LY86: variants seen among roughly 807,000 people sequenced by gnomAD.
The protein encoded by LY86 is MD-1, RP105-associated.
In LY86, 20 loss-of-function variants were observed where a neutral mutation model predicts 17.3. The ratio of observed to expected loss-of-function variants is 1.15; its 90% CI spans 0.81 to 1.68. The LOEUF (loss-of-function observed/expected upper bound fraction) is 1.68. Among genes scored for constraint, LY86 ranks in the 40% most tolerant of loss-of-function variants. The pLI is 0.00. For synonymous variants in LY86, 74 were observed against 70.6 expected (o/e 1.05, Z -0.24); for missense variants, 200 against 191.9 (o/e 1.04, Z -0.25).
intron 1 of LY86, among the ~76,000 whole-genome samples, chr6:6,600,620 A>G (rs1256444885): frequency 3.7e-5 from 5 of 136,810 alleles, no homozygotes; most frequent in African/African-American, 1.2e-4. Context: ...AAAAAAAAAA[A>G]AAAAAAAAGA....
intron 4 of LY86, among the ~76,000 whole-genome samples, chr6:6,653,844 G>A (rs1300962462): frequency 6.6e-6 from 1 of 152,062 alleles, no homozygotes; most frequent in African/African-American, 2.4e-5. Context: ...AATCTCTCTG[G>A]CACCCAAAGC....
intron 3 of LY86, among the ~76,000 whole-genome samples, chr6:6,636,423 GGCA>G (rs774658024): frequency 6.6e-5 from 10 of 152,168 alleles, no homozygotes; most frequent in Non-Finnish European, 1.3e-4. Flanking sequence ...AGTGATCCAT[GGCA>G]GCAACTTTGT....
intron 3 of LY86, 101 bp downstream of exon 3, chr6:6,626,522 C>A: frequency 7.3e-7 from 1 of 1,362,636 alleles, no homozygotes; most frequent in Non-Finnish European, 1.0e-6. Context: ...TCTGTCTCTG[C>A]CCCTCGCCTT....
chr6:6,598,738 G>C (rs1005084764), intron 1 of LY86, among the ~76,000 whole-genome samples: 4 of 22,092 alleles, frequency 1.8e-4, no homozygotes, highest in African/African-American at 3.0e-4. Flanking sequence ...GGCATCATTG[G>C]AAACTCATGC....
chr6:6,615,677 G>T (rs1761535597), intron 1 of LY86, among the ~76,000 whole-genome samples: 1 of 144,952 alleles, frequency 6.9e-6, no homozygotes, highest in Admixed American at 7.0e-5. Context: ...AGCCAAGATT[G>T]TGCCATTGCA....
chr6:6,652,427 T>C (rs1356720316), intron 4 of LY86, among the ~76,000 whole-genome samples: 1 of 152,260 alleles, frequency 6.6e-6, no homozygotes, highest in Middle Eastern at 3.4e-3. Flanking sequence ...GCAGTTCCCA[T>C]GTGGCCAAAA....
chr6:6,595,266 G>A (rs1238508879), intron 1 of LY86, among the ~76,000 whole-genome samples: 4 of 145,716 alleles, frequency 2.7e-5, no homozygotes, highest in East Asian at 1.9e-4. Context: ...GGGAAGGGGA[G>A]GAGGAGGATG....
intron 1 of LY86, among the ~76,000 whole-genome samples, chr6:6,618,690 G>A (rs17142385): frequency 0.17 from 25,775 of 152,138 alleles, 2,279 homozygotes; most frequent in African/African-American, 0.21. Context: ...AGATGAAACC[G>A]GAAGCCAGTT....
At chr6:6,653,152 C>T (rs552006988) in intron 4 of LY86, among the ~76,000 whole-genome samples, 2 of 152,322 alleles carry the variant, frequency 1.3e-5, no homozygotes, top group Non-Finnish European at 2.9e-5. Context: ...AAGGCACCAT[C>T]CAGAGCACAG....
At chr6:6,619,476 T>C (rs1197385023) in intron 1 of LY86, among the ~76,000 whole-genome samples, 1 of 152,242 alleles carries the variant, frequency 6.6e-6, no homozygotes, top group Non-Finnish European at 1.5e-5. Flanking sequence ...ACCAGCTTTA[T>C]TCACATTCTG....
Position 6,630,361 on chromosome 6 carries a change from C to A in LY86, c.352+3940C>A, listed in dbSNP as rs78624149. On this transcript the variant is annotated intron_variant, in intron 3 of 4. Transcript: ENST00000230568. ...CCTCTTGCCTGGGATACCCACAGCC[C>A]CATTTACTCAGGCTGTGGGCTCACT... Among the ~76,000 whole-genome samples, 618 of 152,314 alleles carry A rather than the reference C, an allele frequency of 4.1e-3. 4 individuals are homozygous for A. Among genetic ancestry groups the A allele is most frequent in the African/African-American group, 0.014 (593 of 41,568 alleles).
chr6:6,598,860 A>ATC (rs1215714020), intron 1 of LY86, among the ~76,000 whole-genome samples: 3 of 152,220 alleles, frequency 2.0e-5, no homozygotes, highest in African/African-American at 7.2e-5. Flanking sequence ...GTCAAGGTTA[A>ATC]TCCTTACAAC....
chr6:6,605,084 A>C (rs1024761088), intron 1 of LY86, among the ~76,000 whole-genome samples: 7 of 149,340 alleles, frequency 4.7e-5, no homozygotes, highest in Admixed American at 1.3e-4. Flanking sequence ...AAGAACTTTA[A>C]AGGGTACTTG....
intron 4 of LY86, among the ~76,000 whole-genome samples, chr6:6,653,493 G>A (rs184813270): frequency 6.6e-6 from 1 of 152,288 alleles, no homozygotes; most frequent in Non-Finnish European, 1.5e-5. Flanking sequence ...CTGGGGTGCA[G>A]GACTGGGGTG....
At chr6:6,648,291 A>G (rs1342515668) in intron 3 of LY86, among the ~76,000 whole-genome samples, 6 of 152,200 alleles carry the variant, frequency 3.9e-5, no homozygotes, top group Non-Finnish European at 8.8e-5. Context: ...CTATTTTGAC[A>G]TGACTTTTAA....
intron 1 of LY86, among the ~76,000 whole-genome samples, chr6:6,619,765 A>C (rs1394781580): frequency 2.6e-5 from 4 of 152,222 alleles, no homozygotes; most frequent in African/African-American, 9.6e-5. Flanking sequence ...AAGAAAAGTC[A>C]GTGTTCTTAA....
intron 1 of LY86, among the ~76,000 whole-genome samples, chr6:6,606,822 G>A (rs1581237245): frequency 6.6e-6 from 1 of 152,248 alleles, no homozygotes; most frequent in African/African-American, 2.4e-5. Flanking sequence ...ACACCACCCC[G>A]CAAGCTGAGG....
chr6:6,604,238 A>T (rs1462025647), intron 1 of LY86, among the ~76,000 whole-genome samples: 1 of 152,224 alleles, frequency 6.6e-6, no homozygotes, highest in Non-Finnish European at 1.5e-5. Flanking sequence ...AACCACCATG[A>T]GGAAGAGTCA....
chr6:6,602,768 G>A (rs1035421735), intron 1 of LY86, among the ~76,000 whole-genome samples: 1 of 152,148 alleles, frequency 6.6e-6, no homozygotes, highest in Admixed American at 6.5e-5. Flanking sequence ...CCTGTTATTT[G>A]TTGAGAGCTG....
Sources: gnomAD v4.1 joint callset for allele counts (sites outside exome capture counted in the v4.1 genomes callset) on GRCh38, gnomAD v4.1.1 for gene constraint, MANE v1.5 for transcripts, NCBI Gene and HGNC (gene_info 2026-07-23, HGNC 2026-07-21) for gene names.